HYCC2: variants seen among roughly 807,000 people sequenced by gnomAD.
The protein encoded by HYCC2 is hyccin 2.
the HYCC2 span, chr2:201,016,971 A>G: frequency 6.2e-7 from 1 of 1,604,420 alleles, no homozygotes; most frequent in Non-Finnish European, 8.5e-7. Context: ...AAATTTCCCA[A>G]ACTGTCATCT....
chr2:201,000,707 A>T, the HYCC2 span, among the ~76,000 whole-genome samples: 4 of 152,230 alleles, frequency 2.6e-5, no homozygotes, highest in African/African-American at 9.6e-5. Flanking sequence ...TAGCAATTCT[A>T]TTCCTAGGTA....
At chr2:201,008,287 T>C in the HYCC2 span, among the ~76,000 whole-genome samples, 2 of 152,208 alleles carry the variant, frequency 1.3e-5, no homozygotes, top group Admixed American at 1.3e-4. Flanking sequence ...AGTACTAGAA[T>C]ATGAATCCTG....
the HYCC2 span, chr2:201,011,272 A>G: frequency 3.7e-6 from 2 of 539,140 alleles, no homozygotes; most frequent in Non-Finnish European, 6.3e-6. Flanking sequence ...ACAAACATCC[A>G]CTTTTAAGAA....
chr2:201,062,656 A>G, the HYCC2 span, among the ~76,000 whole-genome samples: 1 of 150,648 alleles, frequency 6.6e-6, no homozygotes, highest in African/African-American at 2.4e-5. Flanking sequence ...GTCTCACAAA[A>G]AAAAAAAAAA....
the HYCC2 span, chr2:200,976,857 T>C: frequency 6.6e-6 from 1 of 152,184 alleles, no homozygotes; most frequent in South Asian, 2.1e-4. Flanking sequence ...TAAAAAGTAA[T>C]GGAATCAAAT....
the HYCC2 span, among the ~76,000 whole-genome samples, chr2:201,005,515 C>G: frequency 6.6e-6 from 1 of 152,182 alleles, no homozygotes; most frequent in Non-Finnish European, 1.5e-5. Context: ...ACTACACCTT[C>G]AAATCTTTAT....
the HYCC2 span, chr2:200,977,279 C>G: frequency 6.6e-6 from 1 of 152,068 alleles, no homozygotes; most frequent in East Asian, 1.9e-4. Flanking sequence ...CTCCCCAAAC[C>G]CATGGGAGAC....
chr2:200,976,955 A>G, the HYCC2 span: 2 of 152,218 alleles, frequency 1.3e-5, no homozygotes, highest in Non-Finnish European at 2.9e-5. Context: ...CTCAAAAATT[A>G]CTTTAAAATA....
chr2:201,034,164 A>AT, the HYCC2 span, among the ~76,000 whole-genome samples: 1 of 152,186 alleles, frequency 6.6e-6, no homozygotes, highest in Admixed American at 6.5e-5. Flanking sequence ...ATCATAACAC[A>AT]TATTTCCCAA....
chr2:201,047,961 A>C, the HYCC2 span, among the ~76,000 whole-genome samples: 5 of 152,102 alleles, frequency 3.3e-5, no homozygotes, highest in South Asian at 1.0e-3. Flanking sequence ...TTATTCAGAC[A>C]GAAGGAAATT....
chr2:201,038,155 C>G, the HYCC2 span, among the ~76,000 whole-genome samples: 3 of 152,218 alleles, frequency 2.0e-5, no homozygotes, highest in Admixed American at 2.0e-4. Context: ...CTCATCATCA[C>G]TGGCCATCAG....
At chr2:201,009,494 C>T in the HYCC2 span, 1 of 158,618 alleles carries the variant, frequency 6.3e-6, no homozygotes, top group East Asian at 1.8e-4. Flanking sequence ...GAGTCTCACT[C>T]TGTCTCCCAG....
the HYCC2 span, among the ~76,000 whole-genome samples, chr2:201,000,459 G>A: frequency 1.3e-5 from 2 of 152,158 alleles, no homozygotes; most frequent in African/African-American, 4.8e-5. Context: ...GTGTATTCCT[G>A]ATAAAGTTGG....
At chr2:200,978,940 C>T in the HYCC2 span, 2 of 152,124 alleles carry the variant, frequency 1.3e-5, no homozygotes, top group African/African-American at 4.8e-5. Flanking sequence ...AATAAATGCA[C>T]AATTTGAATT....
chr2:200,981,100 A>G, the HYCC2 span: 1 of 757,188 alleles, frequency 1.3e-6, no homozygotes, highest in Non-Finnish European at 2.1e-6. This position sits in a 1 kb window ranked among gnomAD's most constrained non-coding sequence, Gnocchi z 4.5. Flanking sequence ...AAAGAGGGAT[A>G]AAGAAAACCT....
At chr2:200,974,010 CA>C in the HYCC2 span, 1 of 152,072 alleles carries the variant, frequency 6.6e-6, no homozygotes, top group South Asian at 2.1e-4. Flanking sequence ...TAATGGCTTA[CA>C]TGCACCAATA....
chr2:200,980,402 C>G, the HYCC2 span: 3 of 152,556 alleles, frequency 2.0e-5, no homozygotes, highest in South Asian at 6.2e-4. Flanking sequence ...CCCCCGCCCC[C>G]ACAAAACCCC....
At chr2:201,038,395 A>G in the HYCC2 span, among the ~76,000 whole-genome samples, 1 of 152,230 alleles carries the variant, frequency 6.6e-6, no homozygotes, top group East Asian at 1.9e-4. Flanking sequence ...ATTGCTGGGT[A>G]TATACCCAAA....
the HYCC2 span, among the ~76,000 whole-genome samples, chr2:201,051,836 CA>C: frequency 4.6e-5 from 7 of 151,978 alleles, no homozygotes; most frequent in Non-Finnish European, 8.8e-5. Flanking sequence ...GGTCCTGGCA[CA>C]AAAACCAGCC....
Sources: allele counts gnomAD v4.1 joint callset (sites outside exome capture counted in the v4.1 genomes callset), GRCh38; gene constraint gnomAD v4.1.1; non-coding constraint Gnocchi (gnomAD v3.1); transcripts MANE v1.5; gene names NCBI Gene and HGNC (gene_info 2026-07-23, HGNC 2026-07-21).